NYAP2: variants seen among roughly 807,000 people sequenced by gnomAD.
NYAP2 encodes neuronal tyrosine-phosphorylated phosphoinositide-3-kinase adaptor 2.
In NYAP2, 23 loss-of-function variants were observed where a neutral mutation model predicts 50.4. The observed-to-expected ratio is 0.46, with a 90% confidence interval of 0.33 to 0.65. NYAP2 has a LOEUF of 0.65. Among genes scored for constraint, NYAP2 ranks in the 30% least tolerant of loss-of-function variants. NYAP2 has a pLI of 0.02. For missense variants in NYAP2, 885 were observed against 861.0 expected (o/e 1.03, Z -0.35); for synonymous variants, 394 against 365.2 (o/e 1.08, Z -0.90).
chr2:225,596,996 T>A (rs1035767266), intron 5 of NYAP2, among the ~76,000 whole-genome samples: 1 of 152,210 alleles, frequency 6.6e-6, no homozygotes, highest in Non-Finnish European at 1.5e-5. Context: ...AAAAGTCGTC[T>A]GTTTAACCAG....
intron 4 of NYAP2, among the ~76,000 whole-genome samples, chr2:225,566,136 C>A (rs1327710858): frequency 6.6e-6 from 1 of 152,028 alleles, no homozygotes; most frequent in Non-Finnish European, 1.5e-5. Context: ...GAAATAATCC[C>A]CCCAAAGCGC....
At chr2:225,545,563 G>A (rs1167638811) in intron 4 of NYAP2, among the ~76,000 whole-genome samples, 1 of 151,982 alleles carries the variant, frequency 6.6e-6, no homozygotes. Flanking sequence ...TTTGTTAAAT[G>A]CATCTGATAG....
intron 6 of NYAP2, among the ~76,000 whole-genome samples, chr2:225,645,313 A>T (rs1170501598): frequency 1.3e-5 from 2 of 152,134 alleles, no homozygotes; most frequent in African/African-American, 4.8e-5. Flanking sequence ...ACTTAATAAA[A>T]TTGATGATGG....
At chr2:225,674,329 G>A in the NYAP2 span, among the ~76,000 whole-genome samples, 5 of 152,040 alleles carry the variant, frequency 3.3e-5, no homozygotes, top group African/African-American at 1.2e-4. Context: ...GTGTTTGCAA[G>A]TGAAATTAAT....
chr2:225,495,734 T>C (rs1690492701), intron 3 of NYAP2, among the ~76,000 whole-genome samples: 1 of 152,200 alleles, frequency 6.6e-6, no homozygotes, highest in African/African-American at 2.4e-5. Context: ...AGATTGAACA[T>C]GTGCAGTGTC....
chr2:225,412,759 G>A (rs1429634933), intron 3 of NYAP2, among the ~76,000 whole-genome samples: 2 of 152,120 alleles, frequency 1.3e-5, no homozygotes, highest in African/African-American at 4.8e-5. Context: ...CTTGGGTCTA[G>A]GATAAGTTCT....
At chr2:225,682,860 T>C in the NYAP2 span, among the ~76,000 whole-genome samples, 1 of 152,140 alleles carries the variant, frequency 6.6e-6, no homozygotes, top group African/African-American at 2.4e-5. Flanking sequence ...TAAAGGCAGA[T>C]GTAGCTCTAA....
At chr2:225,398,720 C>T (rs114425597), upstream of NYAP2, among the ~76,000 whole-genome samples, 576 of 152,098 alleles carry the variant, frequency 3.8e-3, 5 homozygotes, top group African/African-American at 0.013. Context: ...GTTTGTATTT[C>T]TCCTCCTTTT....
intron 4 of NYAP2, among the ~76,000 whole-genome samples, chr2:225,550,780 T>C (rs1691660114): frequency 6.6e-6 from 1 of 152,054 alleles, no homozygotes; most frequent in East Asian, 1.9e-4. Flanking sequence ...TAATAAGAAA[T>C]AAAGCCCATC....
the NYAP2 span, among the ~76,000 whole-genome samples, chr2:225,670,185 A>G: frequency 3.3e-5 from 5 of 152,176 alleles, no homozygotes; most frequent in African/African-American, 1.2e-4. Context: ...CAGTTGGTGT[A>G]CATAGATGCC....
At chr2:225,519,083 G>T (rs115003635) in intron 4 of NYAP2, among the ~76,000 whole-genome samples, 5,963 of 151,760 alleles carry the variant, frequency 0.039, 175 homozygotes, top group Non-Finnish European at 0.062. Context: ...CAAATAAACA[G>T]AAAAATATTC....
intron 3 of NYAP2, among the ~76,000 whole-genome samples, chr2:225,447,191 T>C (rs796750368): frequency 3.9e-5 from 6 of 152,270 alleles, no homozygotes; most frequent in African/African-American, 1.4e-4. Flanking sequence ...GTAGCCCAGG[T>C]GGAGACAAGA....
intron 4 of NYAP2, among the ~76,000 whole-genome samples, chr2:225,563,939 C>G (rs1691917262): frequency 6.6e-6 from 1 of 152,046 alleles, no homozygotes; most frequent in African/African-American, 2.4e-5. Context: ...AATCTGTGGA[C>G]TGTAATCTGA....
chr2:225,576,577 G>A lies in NYAP2; in HGVS notation c.524-5364G>A, dbSNP rs1369522622. On this transcript the variant is annotated intron_variant, in intron 4 of 6. Coordinates refer to ENST00000636099, the Ensembl canonical transcript of NYAP2. ...CACCTTCCAGAATCAGCCAGTTCCA[G>A]TATCACACAGTGTAGACATTATTTT... 1.3e-5 allele frequency among the ~76,000 whole-genome samples: 2 copies of A among 152,180 alleles called. 1 individual carries two copies. Among genetic ancestry groups the A allele is most frequent in the East Asian group, 3.8e-4 (2 of 5,200 alleles).
At chr2:225,554,469 C>A (rs1180115523) in intron 4 of NYAP2, among the ~76,000 whole-genome samples, 1 of 151,864 alleles carries the variant, frequency 6.6e-6, no homozygotes, top group Non-Finnish European at 1.5e-5. Context: ...TACAGGTGGG[C>A]ACTACCACAC....
intron 4 of NYAP2, among the ~76,000 whole-genome samples, chr2:225,522,466 A>G (rs1014346125): frequency 1.3e-5 from 2 of 152,140 alleles, no homozygotes; most frequent in African/African-American, 4.8e-5. Context: ...TGTTGTTACA[A>G]TCTTGGAATG....
intron 4 of NYAP2, among the ~76,000 whole-genome samples, chr2:225,520,098 C>T (rs1180119647): frequency 8.5e-5 from 13 of 152,086 alleles, no homozygotes; most frequent in Admixed American, 2.0e-4. Flanking sequence ...TCATGTCCTT[C>T]GCCCACTTTT....
Position 225,501,780 on chromosome 2 carries a change from A to G in NYAP2, c.222-11591A>G, listed in dbSNP as rs1272316378. On this transcript the variant is annotated intron_variant, in intron 3 of 6. Coordinates refer to ENST00000636099, the Ensembl canonical transcript of NYAP2. ...TACCTAGCAGTTTTTACTGGGTCAC[A>G]TCTTTCTCTCTCTTCCACTATCTCT... Among the ~76,000 whole-genome samples the G allele has an allele frequency of 2.0e-5, 3 of 152,194 alleles. No individual in the cohort carries two copies. The East Asian group carries it at 5.8e-4, about 29-fold the overall frequency.
intron 3 of NYAP2, among the ~76,000 whole-genome samples, chr2:225,503,679 G>A (rs1031124901): frequency 2.6e-5 from 4 of 152,126 alleles, no homozygotes; most frequent in African/African-American, 9.7e-5. Context: ...CTTGGCAATA[G>A]CACTTCGTGA....
Sources: allele counts gnomAD v4.1 joint callset (sites outside exome capture counted in the v4.1 genomes callset), GRCh38; gene constraint gnomAD v4.1.1; transcripts MANE v1.5; gene names NCBI Gene and HGNC (gene_info 2026-07-23, HGNC 2026-07-21).